The following SGCZ variants were observed in gnomAD, a reference collection of about 807,000 sequenced individuals.
The protein encoded by SGCZ is zeta-sarcoglycan.
Under a neutral mutation model 41.3 loss-of-function variants are expected in SGCZ, and 40 were observed. The observed-to-expected ratio is 0.97, with a 90% CI of 0.75 to 1.26. The LOEUF is 1.26. SGCZ is among the 50% of genes most tolerant of loss of function. The pLI is 0.00. For synonymous variants in SGCZ, 206 were observed against 137.5 expected (o/e 1.50, Z -3.49); for missense variants, 552 against 369.8 (o/e 1.49, Z -4.04).
intron 1 of SGCZ, among the ~76,000 whole-genome samples, chr8:14,850,308 T>A (rs1047898459): frequency 6.6e-6 from 1 of 152,132 alleles, no homozygotes; most frequent in African/African-American, 2.4e-5. Flanking sequence ...AATGGCATAG[T>A]CATGGTTGTC....
At chr8:14,842,516 G>A (rs947304006) in intron 1 of SGCZ, among the ~76,000 whole-genome samples, 5 of 149,806 alleles carry the variant, frequency 3.3e-5, no homozygotes, top group Non-Finnish European at 5.9e-5. Context: ...AAGGAAGGAA[G>A]GAAGGAAAGA....
At chr8:14,177,690 T>C (rs1804586202) in intron 4 of SGCZ, among the ~76,000 whole-genome samples, 1 of 148,214 alleles carries the variant, frequency 6.7e-6, no homozygotes, top group Non-Finnish European at 1.5e-5. Context: ...TTTTTTTTTT[T>C]TTTTTTTGTA....
intron 1 of SGCZ, among the ~76,000 whole-genome samples, chr8:14,711,514 A>G (rs1809514967): frequency 6.7e-6 from 1 of 148,258 alleles, no homozygotes; most frequent in South Asian, 2.2e-4. Flanking sequence ...ACGCAGGAGA[A>G]TTGCTTGAAT....
intron 4 of SGCZ, among the ~76,000 whole-genome samples, chr8:14,231,216 A>T (rs1585256790): frequency 8.0e-6 from 1 of 124,980 alleles, no homozygotes; most frequent in South Asian, 2.9e-4. Context: ...AGAGAGGGGG[A>T]AAGAGAGAGA....
intron 1 of SGCZ, among the ~76,000 whole-genome samples, chr8:14,828,035 A>C (rs1176957312): frequency 6.6e-6 from 1 of 152,218 alleles, no homozygotes; most frequent in Non-Finnish European, 1.5e-5. Context: ...CCTCAACTGA[A>C]ACACTGAGAA....
At chr8:14,285,348 A>C (rs1317502879) in intron 3 of SGCZ, among the ~76,000 whole-genome samples, 1 of 152,106 alleles carries the variant, frequency 6.6e-6, no homozygotes, top group African/African-American at 2.4e-5. Context: ...CCTTGTATTG[A>C]AATATTGTAT....
intron 1 of SGCZ, among the ~76,000 whole-genome samples, chr8:14,560,613 A>C (rs2117205517): frequency 6.6e-6 from 1 of 152,222 alleles, no homozygotes; most frequent in African/African-American, 2.4e-5. Flanking sequence ...AAGCAAACTT[A>C]TTTTCTAGAA....
intron 7 of SGCZ, among the ~76,000 whole-genome samples, chr8:14,092,496 G>C (rs1428510986): frequency 6.6e-6 from 1 of 151,880 alleles, no homozygotes; most frequent in African/African-American, 2.4e-5. Context: ...ATATGGTTTG[G>C]CTGTGTCCCC....
At chr8:15,235,367 TCTC>T (rs1802087793) in intron 1 of SGCZ, among the ~76,000 whole-genome samples, 1 of 152,222 alleles carries the variant, frequency 6.6e-6, no homozygotes, top group South Asian at 2.1e-4. Flanking sequence ...CTTGACTACA[TCTC>T]CTCACTTGCC....
intron 1 of SGCZ, among the ~76,000 whole-genome samples, chr8:14,727,449 A>G (rs1006039871): frequency 6.6e-6 from 1 of 152,104 alleles, no homozygotes; most frequent in African/African-American, 2.4e-5. Flanking sequence ...ATATAAATCT[A>G]TCTTATGACC....
chr8:14,358,981 T>C (rs73518251), intron 2 of SGCZ, among the ~76,000 whole-genome samples: 2,293 of 152,278 alleles, frequency 0.015, 56 homozygotes, highest in African/African-American at 0.05. Flanking sequence ...CCTGCTCTTT[T>C]GTTTTTTGAA....
intron 1 of SGCZ, among the ~76,000 whole-genome samples, chr8:14,798,958 C>T (rs540703523): frequency 6.6e-6 from 1 of 151,830 alleles, no homozygotes; most frequent in South Asian, 2.1e-4. Flanking sequence ...ACATATTTTA[C>T]TTCATATACT....
chr8:14,573,146 T>A (rs1429373494), intron 1 of SGCZ, among the ~76,000 whole-genome samples: 1 of 151,354 alleles, frequency 6.6e-6, no homozygotes, highest in Non-Finnish European at 1.5e-5. Flanking sequence ...ATGAAACAAC[T>A]TCGATTCCCT....
At chr8:14,740,343 G>A (rs903861705) in intron 1 of SGCZ, among the ~76,000 whole-genome samples, 18 of 151,990 alleles carry the variant, frequency 1.2e-4, no homozygotes, top group Non-Finnish European at 2.5e-4. Context: ...ACACCAGGAC[G>A]GGTTTACCAG....
chr8:14,845,798 G>T (rs1259156015), intron 1 of SGCZ, among the ~76,000 whole-genome samples: 1 of 151,968 alleles, frequency 6.6e-6, no homozygotes. Flanking sequence ...CAAAGAAAAA[G>T]AAACTACCAG....
chr8:14,956,643 C>A (rs907963392), intron 1 of SGCZ, among the ~76,000 whole-genome samples: 1 of 151,736 alleles, frequency 6.6e-6, no homozygotes, highest in Admixed American at 6.6e-5. Flanking sequence ...AAGTTATCTT[C>A]TAGAATAAAA....
At chr8:15,029,622 A>G (rs916426205) in intron 1 of SGCZ, among the ~76,000 whole-genome samples, 2 of 152,102 alleles carry the variant, frequency 1.3e-5, no homozygotes, top group Non-Finnish European at 2.9e-5. Flanking sequence ...CCCTTTACTC[A>G]TAAGGGGGAA....
intron 3 of SGCZ, among the ~76,000 whole-genome samples, chr8:14,242,755 A>G (rs1181219066): frequency 2.0e-5 from 3 of 152,298 alleles, no homozygotes; most frequent in East Asian, 1.9e-4. Flanking sequence ...AAAAAAGGTA[A>G]CAAGCCATGT....
intron 5 of SGCZ, among the ~76,000 whole-genome samples, chr8:14,109,841 C>G (rs887752376): frequency 1.1e-4 from 17 of 152,094 alleles, no homozygotes; most frequent in African/African-American, 3.4e-4. Flanking sequence ...TGAGGGCAAA[C>G]TTACTTACCA....
Sources: allele counts gnomAD v4.1 joint callset (sites outside exome capture counted in the v4.1 genomes callset), GRCh38; gene constraint gnomAD v4.1.1; transcripts MANE v1.5; gene names NCBI Gene and HGNC (gene_info 2026-07-23, HGNC 2026-07-21).